Variants in OPCML observed in about 807,000 individuals in gnomAD.
OPCML encodes the protein opioid-binding protein/cell adhesion molecule.
OPCML carries 13 observed loss-of-function variants against 37.8 expected under a neutral mutation model. That is an observed-to-expected ratio of 0.34 (90% confidence interval 0.22 to 0.55). The LOEUF is 0.55. OPCML is among the 20% of genes least tolerant of loss of function. OPCML has a pLI of 0.91. For missense variants in OPCML, 341 were observed against 435.6 expected (o/e 0.78, Z 1.93); for synonymous variants, 176 against 168.8 (o/e 1.04, Z -0.33).
intron 1 of OPCML, among the ~76,000 whole-genome samples, chr11:133,313,345 C>T (rs1943112199): frequency 6.6e-6 from 1 of 152,194 alleles, no homozygotes. Context: ...AATAAATAGA[C>T]TGCAAATCAT....
At chr11:133,268,422 T>C (rs1211463201) in intron 1 of OPCML, among the ~76,000 whole-genome samples, 1 of 152,244 alleles carries the variant, frequency 6.6e-6, no homozygotes, top group African/African-American at 2.4e-5. Context: ...GTCTACTTTA[T>C]GAGGAGAAAA....
intron 1 of OPCML, chr11:133,006,140 C>CT (rs1485781381): frequency 1.0e-6 from 1 of 983,964 alleles, no homozygotes; most frequent in Admixed American, 6.2e-5. Context: ...GAGGAGATCC[C>CT]TGGAGAAGCT....
intron 1 of OPCML, among the ~76,000 whole-genome samples, chr11:133,486,807 G>GCTCT (rs150525574): frequency 2.0e-5 from 3 of 148,498 alleles, no homozygotes; most frequent in Non-Finnish European, 3.0e-5. Context: ...CCTCTGGCTT[G>GCTCT]CTCTCTCTCT....
At chr11:133,231,204 C>T (rs935595984) in intron 1 of OPCML, among the ~76,000 whole-genome samples, 7 of 152,090 alleles carry the variant, frequency 4.6e-5, no homozygotes, top group South Asian at 2.1e-4. Flanking sequence ...GGAGTAGCTG[C>T]GGATGAAACA....
chr11:133,326,758 G>T (rs1845710909), intron 1 of OPCML, among the ~76,000 whole-genome samples: 3 of 143,482 alleles, frequency 2.1e-5, no homozygotes, highest in Non-Finnish European at 4.6e-5. Context: ...GTAGGTGAGG[G>T]TGTGTGGGGC....
At position 133,137,295 on chromosome 11, in the gene OPCML, G is replaced by A. The variant is rs1949706417; in HGVS notation, c.62-194285C>T. Among the ~76,000 whole-genome samples, 4 of 152,276 alleles carry A rather than the reference G, an allele frequency of 2.6e-5. No individual in the cohort carries two copies. In the South Asian group the frequency reaches 8.3e-4, roughly 32 times the overall value. ...TGGTGAATGATCTTTGGAGATTTGT[G>A]TGTAAATCCTGTTCTTATATTTGCT... is the stretch of plus-strand genomic sequence containing the variant. On this transcript the variant is annotated intron_variant, in intron 1 of 7. Transcript: ENST00000524381.
intron 1 of OPCML, among the ~76,000 whole-genome samples, chr11:133,237,890 T>C (rs1315844696): frequency 6.6e-6 from 1 of 152,226 alleles, no homozygotes; most frequent in Non-Finnish European, 1.5e-5. Flanking sequence ...GCCAGGGCCC[T>C]GAAATACAAG....
intron 2 of OPCML, among the ~76,000 whole-genome samples, chr11:132,834,536 G>A (rs944415251): frequency 4.6e-5 from 7 of 152,116 alleles, no homozygotes; most frequent in East Asian, 3.9e-4. Flanking sequence ...TCTAGCATGC[G>A]ACAGCCCCAG....
chr11:132,468,914 T>C (rs1202771224), intron 4 of OPCML, among the ~76,000 whole-genome samples: 3 of 152,170 alleles, frequency 2.0e-5, no homozygotes, highest in African/African-American at 7.2e-5. Flanking sequence ...CACCCAGATA[T>C]CCCACAGGCA....
At chr11:132,465,037 T>C (rs1453783895) in intron 4 of OPCML, among the ~76,000 whole-genome samples, 1 of 152,220 alleles carries the variant, frequency 6.6e-6, no homozygotes, top group Non-Finnish European at 1.5e-5. Context: ...TTTTTAACTT[T>C]TTCATGAAAT....
chr11:133,118,338 G>A, intron 1 of OPCML: 2 of 985,402 alleles, frequency 2.0e-6, no homozygotes, highest in South Asian at 9.4e-5. Flanking sequence ...GCCCAGGCTG[G>A]TGCAAGGACA....
At chr11:132,516,769 A>C (rs1293349264) in intron 4 of OPCML, among the ~76,000 whole-genome samples, 4 of 152,188 alleles carry the variant, frequency 2.6e-5, no homozygotes, top group Non-Finnish European at 5.9e-5. Flanking sequence ...CATGGTAGGC[A>C]TGCGTGCATT....
chr11:133,489,029 T>C (rs1237034621), intron 1 of OPCML, among the ~76,000 whole-genome samples: 2 of 151,626 alleles, frequency 1.3e-5, no homozygotes, highest in East Asian at 2.0e-4. Flanking sequence ...GATACCCATA[T>C]GCAGAAGAAT....
intron 1 of OPCML, among the ~76,000 whole-genome samples, chr11:133,525,514 G>T (rs1361977002): frequency 6.6e-6 from 1 of 152,164 alleles, no homozygotes; most frequent in Non-Finnish European, 1.5e-5. Context: ...AGTCTACATA[G>T]GGTTTTAGGC....
At chr11:132,815,405 C>T (rs886529166) in intron 2 of OPCML, among the ~76,000 whole-genome samples, 1 of 152,146 alleles carries the variant, frequency 6.6e-6, no homozygotes, top group Admixed American at 6.5e-5. Context: ...ATACATCAGA[C>T]AAAAATAATA....
intron 1 of OPCML, among the ~76,000 whole-genome samples, chr11:133,207,083 C>A (rs1049773035): frequency 2.8e-5 from 4 of 143,360 alleles, no homozygotes; most frequent in African/African-American, 1.0e-4. Flanking sequence ...GTCAGGAGAT[C>A]GAGACCATCC....
At chr11:133,232,162 G>A (rs1233486416) in intron 1 of OPCML, among the ~76,000 whole-genome samples, 3 of 152,058 alleles carry the variant, frequency 2.0e-5, no homozygotes, top group Non-Finnish European at 2.9e-5. Flanking sequence ...AAGGCTTTGT[G>A]AACCCAGCCC....
intron 1 of OPCML, among the ~76,000 whole-genome samples, chr11:133,344,321 C>T (rs1267181968): frequency 1.3e-5 from 2 of 152,150 alleles, no homozygotes; most frequent in Non-Finnish European, 2.9e-5. Flanking sequence ...GCTGTCTTTG[C>T]GAAAAGGGTG....
chr11:132,590,298 G>A (rs1487092459), intron 3 of OPCML, among the ~76,000 whole-genome samples: 1 of 151,980 alleles, frequency 6.6e-6, no homozygotes, highest in African/African-American at 2.4e-5. Flanking sequence ...ATGAACATGG[G>A]TAAATGAATG....
Sources: allele counts gnomAD v4.1 joint callset (sites outside exome capture counted in the v4.1 genomes callset), GRCh38; gene constraint gnomAD v4.1.1; transcripts MANE v1.5; gene names NCBI Gene and HGNC (gene_info 2026-07-23, HGNC 2026-07-21).